The following TMEM94 variants were observed in gnomAD, a reference collection of about 807,000 sequenced individuals.
TMEM94 encodes the protein transmembrane protein 94, also known as ER Mg2+ ATPase.
TMEM94 carries 81 observed loss-of-function variants against 158.6 expected under a neutral mutation model. The ratio of observed to expected loss-of-function variants is 0.51; its 90% confidence interval spans 0.43 to 0.61. The LOEUF (loss-of-function observed/expected upper bound fraction) is 0.61. Among genes scored for constraint, TMEM94 ranks in the 20% least tolerant of loss-of-function variants. The pLI is 0.00. For missense variants in TMEM94, 1,435 were observed against 1,762.0 expected, an observed-to-expected ratio of 0.81 and a Z score of 3.32; for synonymous variants, 751 against 730.7, an observed-to-expected ratio of 1.03 and a Z score of -0.45.
intron 1 of TMEM94, among the ~76,000 whole-genome samples, chr17:75,462,060 G>A (rs2050099236): frequency 8.3e-6 from 1 of 120,444 alleles, no homozygotes; most frequent in Non-Finnish European, 1.6e-5. Context: ...GCCCAGGCTG[G>A]AGTGCAGTGG....
rs763539639 is a variant in TMEM94 at position 75,498,956 on chromosome 17, G to A, written c.3872G>A (p.Trp1291Ter). ...VVQTAVDLQL[W>*]THRDSHVHFG... Reference sequence around the variant, plus strand: ...CAGACGGCTGTGGACCTGCAGCTGTGGACACACAGGGACAGCCACGTCCAC... The same window carrying A: ...CAGACGGCTGTGGACCTGCAGCTGTAGACACACAGGGACAGCCACGTCCAC... The change falls in exon 31 of 32, where the codon TGG (tryptophan) becomes TAG (stop). Residue 1291 changes from tryptophan (W) to a stop codon, truncating the protein, a stop_gained. Coordinates refer to ENST00000314256, the MANE Select transcript of TMEM94 (RefSeq NM_014738.6). LOFTEE classifies it high-confidence loss of function. This position sits in a 1 kb window ranked among gnomAD's most constrained non-coding sequence, Gnocchi z 6.7. 6.3e-7 allele frequency: 1 copy of A among 1,583,932 alleles called. No individual in the cohort carries two copies. Among genetic ancestry groups the A allele is most frequent in the East Asian group, 2.3e-5 (1 of 44,388 alleles).
chr17:75,495,875 G>T lies in TMEM94; in HGVS notation c.2945-91G>T. 3.1e-6 allele frequency: 3 copies of T among 970,186 alleles called. No individual in the cohort carries two copies. The highest frequency in any genetic ancestry group is 4.8e-6 in the Non-Finnish European group (3 of 624,902). 60.1% of individuals were successfully genotyped at this position (970,186 alleles called of 1,614,324 possible). A position where few individuals can be genotyped will look rare whatever the true frequency, so the allele number is the denominator to read the frequency against. On this transcript the variant is annotated intron_variant, in intron 22 of 31. Transcript: ENST00000314256. This position sits in a 1 kb window ranked among gnomAD's most constrained non-coding sequence, Gnocchi z 5.6. ...TTCAAAGAGGGGCCCACCTCCCATC[G>T]CCTCCTGCTCTCCTGTCCCATGGGT...
rs1567948731 is a variant in TMEM94, at chr17:75,488,796, T to C, written c.650T>C (p.Phe217Ser). The part of the protein sequence containing the change: ...EHIVLEPGDL[F>S]PPFSPPPSPR... ...ATCGTCCTGGAGCCGGGAGACCTCTTCCCCCCCTTCTCCCCTCCACCCTCA... is the reference window on the plus strand; with the variant it reads ...ATCGTCCTGGAGCCGGGAGACCTCTCCCCCCCCTTCTCCCCTCCACCCTCA... The change falls in exon 7 of 32, where the codon TTC becomes TCC. Residue 217 changes from phenylalanine to serine, a missense_variant. Phe to Ser is a radical substitution (Grantham distance 155, BLOSUM62 -2). Transcript: ENST00000314256. 1 of 1,613,024 alleles carries C rather than the reference T, an allele frequency of 6.2e-7. No homozygotes were observed. The highest frequency in any genetic ancestry group is 8.5e-7 in the Non-Finnish European group (1 of 1,179,632).
In TMEM94 at chr17:75,497,788, C is replaced by G; in HGVS notation, c.3415C>G (p.Leu1139Val). ...CFCYPLLSIS[L>V]LGKPPHSSIM... ...CTGATCTCTGCTTTTCAGCATCTCT[C>G]TGCTGGGGAAGCCCCCCCATAGCTC... The change falls in exon 27 of 32, where the codon CTG becomes GTG. Residue 1139 changes from leucine (L) to valine (V), a missense_variant. By Grantham distance (32) the Leu-to-Val change is conservative. This residue lies in a region of TMEM94 where 335 missense variants were observed against 409.1 expected (regional missense o/e 0.82). Coordinates refer to ENST00000314256, the MANE Select transcript of TMEM94 (RefSeq NM_014738.6). The G allele has an allele frequency of 6.2e-7, 1 of 1,613,544 alleles. No homozygotes were observed. Among genetic ancestry groups the G allele is most frequent in the Non-Finnish European group, 8.5e-7 (1 of 1,179,488 alleles).
In TMEM94 at chr17:75,492,890, C is replaced by A; in HGVS notation, c.1913-39C>A. On this transcript the variant is annotated intron_variant, in intron 15 of 31. Transcript: ENST00000314256. This position sits in a 1 kb window ranked among gnomAD's most constrained non-coding sequence, Gnocchi z 4.4. ...ACTTAATGGACCTGGCAGGGTATTG[C>A]CAGGGCATGGCCCTAAGTTCCTGTT... 1 of 1,593,848 alleles carries A rather than the reference C, an allele frequency of 6.3e-7. No homozygotes were observed. Among genetic ancestry groups the A allele is most frequent in the Non-Finnish European group, 8.6e-7 (1 of 1,167,950 alleles).
At chr17:75,458,355 A>G (rs1183948943) in intron 1 of TMEM94, among the ~76,000 whole-genome samples, 1 of 152,086 alleles carries the variant, frequency 6.6e-6, no homozygotes, top group African/African-American at 2.4e-5. Flanking sequence ...AAAAAGTTAG[A>G]TCCTGAGGCA....
chr17:75,496,682 G>C lies in TMEM94; in HGVS notation c.3244-48G>C, dbSNP rs75891695. The C allele has an allele frequency of 7.7e-4, 1,217 of 1,571,136 alleles. 1 individual carries two copies. Among genetic ancestry groups the C allele is most frequent in the Non-Finnish European group, 9.7e-4 (1,103 of 1,141,484 alleles). ...AAAGTGTGTCAGCTGTTGGGCCTGG[G>C]AGAGGCCAGGTAGACCCAGGCCATA... On this transcript the variant is annotated intron_variant, in intron 24 of 31. Coordinates refer to ENST00000314256, the MANE Select transcript of TMEM94 (RefSeq NM_014738.6).
rs1202917006 is a variant in TMEM94, at chr17:75,498,881, C to T, written c.3828-31C>T. 5 of 1,530,922 alleles carry T rather than the reference C, an allele frequency of 3.3e-6. No individual in the cohort carries two copies. The South Asian group carries it at 5.0e-5, about 15-fold the overall frequency. 94.8% of individuals were successfully genotyped at this position (1,530,922 alleles called of 1,614,324 possible). On this transcript the variant is annotated intron_variant, in intron 30 of 31. Coordinates refer to ENST00000314256, the MANE Select transcript of TMEM94 (RefSeq NM_014738.6). The surrounding 1 kb of genome is among the most constrained non-coding windows in gnomAD (Gnocchi z 6.7). ...GAGCAGGGAAGGAAGCAAGCAGTGT[C>T]GGGTTCACACGGGGCCGCCACCTCC... is the stretch of plus-strand genomic sequence containing the variant.
intron 2 of TMEM94, among the ~76,000 whole-genome samples, chr17:75,483,945 C>T (rs936683493): frequency 6.6e-6 from 1 of 152,116 alleles, no homozygotes; most frequent in South Asian, 2.1e-4. Flanking sequence ...AGGTTGGTAA[C>T]GTGTCCTAGG....
chr17:75,477,197 A>C (rs896622327), intron 2 of TMEM94, among the ~76,000 whole-genome samples: 3 of 152,100 alleles, frequency 2.0e-5, no homozygotes, highest in East Asian at 3.9e-4. Flanking sequence ...GGTGGGGAAG[A>C]ATGTGGGTGA....
chr17:75,485,934 G>C lies in TMEM94; in HGVS notation c.208G>C (p.Ala70Pro). 2 of 1,613,772 alleles carry C rather than the reference G, an allele frequency of 1.2e-6. No homozygotes were observed. Among genetic ancestry groups the C allele is most frequent in the Non-Finnish European group, 1.7e-6 (2 of 1,179,926 alleles). The change falls in exon 4 of 32, where the codon GCC becomes CCC. Residue 70 changes from alanine (A) to proline (P), a missense_variant. Ala to Pro is a conservative substitution (Grantham distance 27). Around this residue, in one of 3 missense-constraint regions of TMEM94, gnomAD observed 1,051 missense variants for 1,254.4 expected, o/e 0.84. Transcript: ENST00000314256. This position sits in a 1 kb window ranked among gnomAD's most constrained non-coding sequence, Gnocchi z 5.5. ...CTGCTCCTGCTTCCACTGGCCGGGG[G>C]CCTCACTCATGCTACTGGCCGTGCT... Reference protein sequence around the residue: ...NRCSCFHWPGASLMLLAVLLL... With the variant: ...NRCSCFHWPGPSLMLLAVLLL...
At chr17:75,469,902 G>A (rs566059715) in intron 1 of TMEM94, among the ~76,000 whole-genome samples, 71 of 152,046 alleles carry the variant, frequency 4.7e-4, no homozygotes, top group African/African-American at 1.6e-3. Flanking sequence ...GTGAAACCCC[G>A]TCTCTAGTAA....
At position 75,486,378 on chromosome 17, in the gene TMEM94, C is replaced by A. The variant is rs138534185; in HGVS notation, c.361C>A (p.Arg121Ser). 1.2e-6 allele frequency: 2 copies of A among 1,614,144 alleles called. No homozygotes were observed. The highest frequency in any genetic ancestry group is 1.7e-6 in the Non-Finnish European group (2 of 1,180,012). The change falls in exon 5 of 32, where the codon CGT (arginine) becomes AGT (serine). Residue 121 changes from arginine (R) to serine (S), a missense_variant. Coordinates refer to ENST00000314256, the MANE Select transcript of TMEM94 (RefSeq NM_014738.6). ...VLIGRQDRLK[R>S]REVERRLRGI... The stretch of plus-strand genomic sequence containing the variant: ...CATCGGGCGGCAAGACCGGCTGAAG[C>A]GTCGGGAGGTAGAGCGGAGGCTGCG...
chr17:75,461,483 G>A (rs1222693680), intron 1 of TMEM94, among the ~76,000 whole-genome samples: 1 of 151,788 alleles, frequency 6.6e-6, no homozygotes, highest in African/African-American at 2.4e-5. Flanking sequence ...TGTATTCAAG[G>A]GCAGAAAAAA....
At chr17:75,458,959 A>C (rs1324395195) in intron 1 of TMEM94, among the ~76,000 whole-genome samples, 1 of 151,440 alleles carries the variant, frequency 6.6e-6, no homozygotes, top group African/African-American at 2.4e-5. Flanking sequence ...TGGGAGGCTG[A>C]GGCAGGAGAA....
At position 75,493,813 on chromosome 17, in the gene TMEM94, G is replaced by C. The variant is rs140760285; in HGVS notation, c.2304G>C (p.Glu768Asp). The C allele has an allele frequency of 1.5e-5, 24 of 1,613,800 alleles. No homozygotes were observed. Among genetic ancestry groups the C allele is most frequent in the Non-Finnish European group, 1.9e-5 (23 of 1,180,040 alleles). The change falls in exon 18 of 32, where the codon GAG becomes GAC. Residue 768 changes from glutamate (E) to aspartate (D), a missense_variant. By Grantham distance (45) the Glu-to-Asp change is conservative. Transcript: ENST00000314256. ...LSSQLNGKCI[E>D]LVQVPGQSSI... ...CTCAGCTCAATGGCAAGTGCATCGA[G>C]CTGGTACAGGTGCCCGGCCAAAGCA... is the stretch of plus-strand genomic sequence containing the variant.
At chr17:75,497,968 G>T (rs975464963) in intron 27 of TMEM94, 106 bp downstream of exon 27, 1 of 1,207,040 alleles carries the variant, frequency 8.3e-7, no homozygotes, top group South Asian at 1.3e-5. Flanking sequence ...GGGGATTCCA[G>T]CAGAACTCCG....
At chr17:75,470,190 C>T (rs994387061) in intron 1 of TMEM94, among the ~76,000 whole-genome samples, 1 of 152,142 alleles carries the variant, frequency 6.6e-6, no homozygotes, top group Non-Finnish European at 1.5e-5. Flanking sequence ...AGGCTGGGCA[C>T]AGTGATTCAC....
At chr17:75,463,195 T>C (rs1265525719) in intron 1 of TMEM94, among the ~76,000 whole-genome samples, 12 of 135,146 alleles carry the variant, frequency 8.9e-5, no homozygotes, top group South Asian at 4.6e-4. Flanking sequence ...TATATATATA[T>C]ATACAGTTTA....
Sources: allele counts gnomAD v4.1 joint callset (sites outside exome capture counted in the v4.1 genomes callset), GRCh38; gene constraint gnomAD v4.1.1; regional missense constraint gnomAD v4.1.1; non-coding constraint Gnocchi (gnomAD v3.1); transcripts MANE v1.5; gene names NCBI Gene and HGNC (gene_info 2026-07-23, HGNC 2026-07-21).